The following SLC44A5 variants were observed in gnomAD, a reference collection of about 807,000 sequenced individuals.
SLC44A5 encodes the protein solute carrier family 44 member 5.
Under a neutral mutation model 101.8 loss-of-function variants are expected in SLC44A5, and 57 were observed. That is an observed-to-expected ratio of 0.56 (90% CI 0.45 to 0.70). SLC44A5 has a LOEUF of 0.70. Among genes scored for constraint, SLC44A5 ranks in the 30% least tolerant of loss-of-function variants. SLC44A5 has a pLI of 0.00. For missense variants in SLC44A5, 737 were observed against 853.1 expected (o/e 0.86, Z 1.70); for synonymous variants, 281 against 290.9 (o/e 0.97, Z 0.35).
At chr1:75,267,358 A>T (rs1385291356) in intron 6 of SLC44A5, among the ~76,000 whole-genome samples, 2 of 152,138 alleles carry the variant, frequency 1.3e-5, no homozygotes, top group African/African-American at 2.4e-5. Context: ...GGCTTTAATT[A>T]TGAAGACAAT....
the SLC44A5 span, among the ~76,000 whole-genome samples, chr1:75,681,753 G>A: frequency 2.0e-5 from 3 of 149,974 alleles, no homozygotes; most frequent in Non-Finnish European, 3.0e-5. Context: ...GGAAGTTCTG[G>A]CCAGGGCAAT....
intron 1 of SLC44A5, among the ~76,000 whole-genome samples, chr1:75,593,565 G>A (rs1674472702): frequency 6.6e-6 from 1 of 152,232 alleles, no homozygotes; most frequent in South Asian, 2.1e-4. Context: ...GTTTACAATA[G>A]CTAAGATTTG....
intron 2 of SLC44A5, among the ~76,000 whole-genome samples, chr1:75,483,113 G>C (rs959763485): frequency 3.9e-5 from 6 of 152,158 alleles, no homozygotes; most frequent in African/African-American, 1.4e-4. Context: ...TAAACATTTA[G>C]AGAGGAAAGG....
the SLC44A5 span, among the ~76,000 whole-genome samples, chr1:75,716,898 G>A: frequency 3.7e-4 from 57 of 152,160 alleles, no homozygotes; most frequent in African/African-American, 1.2e-3. Context: ...GCTGGGCGTC[G>A]TGGCATGTGC....
chr1:75,650,539 C>G, the SLC44A5 span, among the ~76,000 whole-genome samples: 1 of 152,124 alleles, frequency 6.6e-6, no homozygotes, highest in African/African-American at 2.4e-5. Flanking sequence ...ATCAATCTGC[C>G]ACAGGGTCCA....
At position 75,219,269 on chromosome 1, in the gene SLC44A5, G is replaced by A; in HGVS notation, c.1254C>T (p.Thr418=). The A allele has an allele frequency of 6.2e-7, 1 of 1,609,724 alleles. No individual in the cohort carries two copies. The highest frequency in any genetic ancestry group is 8.5e-7 in the Non-Finnish European group (1 of 1,176,174). ...TTCTTGTACTTACCTCTGGGTCACA[G>A]GTTTGATTTTCATGTATACAATGCC... ...PGGHCIHENQ[T]CDPEIFNTTE... is the part of the protein sequence containing the mutation. Residue 418 remains threonine, a synonymous_variant, in exon 16 of 24, where the codon ACC becomes ACT. Transcript: ENST00000370859.
chr1:75,237,171 C>G lies in SLC44A5; in HGVS notation c.657-101G>C, dbSNP rs1648166364. The G allele has an allele frequency of 6.1e-6, 4 of 650,650 alleles. No individual in the cohort carries two copies. In the Admixed American group the frequency reaches 9.6e-5, roughly 16 times the overall value. 40.3% of individuals were successfully genotyped at this position (650,650 alleles called of 1,614,324 possible). A position where few individuals can be genotyped will look rare whatever the true frequency, so the allele number is the denominator to read the frequency against. ...GGATTCTGCAAGGTGCTGTTGAAAG[C>G]ATGTTTTCAGAAACCATCTATCAGT... On this transcript the variant is annotated intron_variant, in intron 10 of 23. Transcript: ENST00000370859.
At chr1:75,376,473 C>T (rs547093933) in intron 3 of SLC44A5, among the ~76,000 whole-genome samples, 14 of 152,348 alleles carry the variant, frequency 9.2e-5, no homozygotes, top group South Asian at 2.1e-4. Flanking sequence ...GTTCTCCCAG[C>T]ACGCAGCTGG....
rs761398866 is a variant in SLC44A5 at position 75,275,070 on chromosome 1, C to CT, written c.176-29dup. 1.8e-5 allele frequency: 29 copies of CT among 1,590,630 alleles called. No individual in the cohort carries two copies. In the African/African-American group the frequency reaches 3.8e-4, roughly 21 times the overall value. On this transcript the variant is annotated intron_variant, in intron 5 of 23. Transcript: ENST00000370859. ...GCAGGAACAAGAAAGGACAAATATG[C>CT]TATCAGCAAAAGCCAGCTAAAGGCA...
At chr1:75,280,669 G>C (rs1652462367) in intron 5 of SLC44A5, among the ~76,000 whole-genome samples, 1 of 150,856 alleles carries the variant, frequency 6.6e-6, no homozygotes, top group South Asian at 2.1e-4. Flanking sequence ...GAGGTGATTA[G>C]ATCATGAGGG....
the SLC44A5 span, among the ~76,000 whole-genome samples, chr1:75,715,189 G>A: frequency 6.6e-6 from 1 of 152,132 alleles, no homozygotes; most frequent in Non-Finnish European, 1.5e-5. Flanking sequence ...TGGATAGGAA[G>A]AATCAATATT....
At chr1:75,315,824 G>A (rs577964494) in intron 4 of SLC44A5, among the ~76,000 whole-genome samples, 13 of 152,018 alleles carry the variant, frequency 8.6e-5, no homozygotes, top group South Asian at 6.2e-4. Flanking sequence ...TCTGCCCGCC[G>A]CTCACTCTTT....
chr1:75,537,034 A>AAAAAAAAAAAAAAAAAAAAAAAG (rs1553199990), intron 2 of SLC44A5, among the ~76,000 whole-genome samples: 2 of 18,648 alleles, frequency 1.1e-4, no homozygotes, highest in Non-Finnish European at 1.6e-4. Flanking sequence ...AAAAAAAAAA[A>AAAAAAAAAAAAAAAAAAAAAAAG]TATATATCTA....
the SLC44A5 span, among the ~76,000 whole-genome samples, chr1:75,706,803 C>CA: frequency 6.6e-6 from 1 of 152,008 alleles, no homozygotes; most frequent in South Asian, 2.1e-4. Context: ...TGGATTGATA[C>CA]ATTTTCCTGT....
rs976919540 is a variant in SLC44A5, at chr1:75,202,712, C to T, written c.*1015G>A. On this transcript the variant is annotated 3_prime_UTR_variant, in exon 24 of 24. Coordinates refer to ENST00000370859, the MANE Select transcript of SLC44A5 (RefSeq NM_001130058.2). ...ATTCAGTACATGACATCTGTGAGCACCCTTTCGAGGAGTAAAGTTTCCCTT... is the reference window on the plus strand; with the variant it reads ...ATTCAGTACATGACATCTGTGAGCATCCTTTCGAGGAGTAAAGTTTCCCTT... 6.6e-6 allele frequency: 1 copy of T among 152,088 alleles called. No homozygotes were observed. The highest frequency in any genetic ancestry group is 2.4e-5 in the African/African-American group (1 of 41,412). The allele number at this position is 152,088 out of a possible 1,614,324, so 9.4% of individuals were successfully genotyped here.
chr1:75,591,392 A>G (rs1674344051), intron 1 of SLC44A5, among the ~76,000 whole-genome samples: 2 of 152,240 alleles, frequency 1.3e-5, no homozygotes, highest in African/African-American at 4.8e-5. Context: ...CAAAAAACAT[A>G]GAGTGGTTAA....
intron 2 of SLC44A5, among the ~76,000 whole-genome samples, chr1:75,484,035 A>G (rs1022050379): frequency 6.6e-6 from 1 of 152,164 alleles, no homozygotes; most frequent in Admixed American, 6.5e-5. Context: ...CTCCTCCAAC[A>G]TGTGGGAATT....
intron 1 of SLC44A5, among the ~76,000 whole-genome samples, chr1:75,594,474 A>G (rs1217015966): frequency 6.6e-6 from 1 of 152,000 alleles, no homozygotes. Flanking sequence ...TAGTAAGACT[A>G]AAAAAATTAG....
the SLC44A5 span, among the ~76,000 whole-genome samples, chr1:75,618,236 T>C: frequency 6.6e-6 from 1 of 152,258 alleles, no homozygotes; most frequent in Admixed American, 6.5e-5. Flanking sequence ...ATGGATGTGA[T>C]TAATATGCTT....
Sources: allele counts gnomAD v4.1 joint callset (sites outside exome capture counted in the v4.1 genomes callset), GRCh38; gene constraint gnomAD v4.1.1; transcripts MANE v1.5; gene names NCBI Gene and HGNC (gene_info 2026-07-23, HGNC 2026-07-21).